MED27: variants seen among roughly 807,000 people sequenced by gnomAD.
The protein encoded by MED27 is mediator of RNA polymerase II transcription subunit 27.
MED27 carries 30 observed loss-of-function variants against 38.2 expected under a neutral mutation model. The ratio of observed to expected loss-of-function variants is 0.79; its 90% CI spans 0.59 to 1.07. MED27 has a LOEUF of 1.07. Ranked by LOEUF, MED27 falls within the 50% of genes least tolerant of loss-of-function variation. The pLI, the probability that MED27 is intolerant of heterozygous loss-of-function variation, is 0.00. For synonymous variants in MED27, 122 were observed against 153.5 expected, an observed-to-expected ratio of 0.79 and a Z score of 1.52; for missense variants, 289 against 397.5, an observed-to-expected ratio of 0.73 and a Z score of 2.32.
At chr9:131,973,199 T>TC (rs1831519717) in intron 3 of MED27, among the ~76,000 whole-genome samples, 1 of 152,214 alleles carries the variant, frequency 6.6e-6, no homozygotes, top group Admixed American at 6.5e-5. Flanking sequence ...TAGTTCCCTG[T>TC]CCATTCCCTC....
intron 4 of MED27, among the ~76,000 whole-genome samples, chr9:131,930,247 G>C (rs915522189): frequency 4.6e-5 from 7 of 152,192 alleles, no homozygotes; most frequent in Non-Finnish European, 7.3e-5. Flanking sequence ...CAACATTCAA[G>C]TACAAGAAGG....
chr9:131,871,697 A>G (rs1382431164), intron 6 of MED27, among the ~76,000 whole-genome samples: 2 of 151,952 alleles, frequency 1.3e-5, no homozygotes, highest in Non-Finnish European at 2.9e-5. Flanking sequence ...CTACAGACAC[A>G]CACCCCCACG....
intron 2 of MED27, among the ~76,000 whole-genome samples, chr9:132,076,211 C>T (rs1834043598): frequency 6.6e-6 from 1 of 152,072 alleles, no homozygotes. Flanking sequence ...AGTTCAGCCA[C>T]AGAGAAGTAA....
At chr9:132,072,651 A>C (rs191665108) in intron 2 of MED27, among the ~76,000 whole-genome samples, 1 of 152,220 alleles carries the variant, frequency 6.6e-6, no homozygotes, top group East Asian at 1.9e-4. Flanking sequence ...TAGCAAGTTC[A>C]TTTTGAGTGA....
intron 4 of MED27, among the ~76,000 whole-genome samples, chr9:131,915,886 C>G (rs1830278811): frequency 6.6e-6 from 1 of 152,220 alleles, no homozygotes; most frequent in East Asian, 1.9e-4. Context: ...GCTCCAGAGC[C>G]TGCCCGCTAA....
At chr9:131,993,068 A>G (rs1832011660) in intron 3 of MED27, among the ~76,000 whole-genome samples, 1 of 152,204 alleles carries the variant, frequency 6.6e-6, no homozygotes, top group African/African-American at 2.4e-5. Flanking sequence ...CTGTTTGTTT[A>G]GCCTATGCAT....
intron 6 of MED27, among the ~76,000 whole-genome samples, chr9:131,877,577 A>C (rs957241026): frequency 2.0e-5 from 3 of 152,174 alleles, no homozygotes; most frequent in African/African-American, 7.2e-5. Context: ...CCCCGTCTCA[A>C]ATAAATAAAT....
chr9:132,037,430 G>T (rs1308553944), intron 2 of MED27, among the ~76,000 whole-genome samples: 1 of 152,170 alleles, frequency 6.6e-6, no homozygotes, highest in Non-Finnish European at 1.5e-5. Context: ...CAGCCACAGT[G>T]ACTGCCCAAC....
intron 3 of MED27, among the ~76,000 whole-genome samples, chr9:131,981,660 ACTT>A (rs1831739433): frequency 6.6e-6 from 1 of 152,212 alleles, no homozygotes; most frequent in Non-Finnish European, 1.5e-5. Flanking sequence ...CAGGAAGGCA[ACTT>A]ACCACGTCAA....
At chr9:132,076,428 G>T (rs1199708114) in intron 2 of MED27, among the ~76,000 whole-genome samples, 1 of 152,018 alleles carries the variant, frequency 6.6e-6, no homozygotes, top group East Asian at 1.9e-4. Flanking sequence ...AGCTCCCACG[G>T]TTCCACTTCA....
intron 2 of MED27, chr9:132,073,870 G>C: frequency 8.1e-7 from 1 of 1,242,150 alleles, no homozygotes; most frequent in Non-Finnish European, 1.0e-6. Flanking sequence ...ATGTTGCCAG[G>C]GAAAGGCGGA....
At chr9:132,004,655 G>C (rs1564320946) in intron 3 of MED27, among the ~76,000 whole-genome samples, 1 of 152,174 alleles carries the variant, frequency 6.6e-6, no homozygotes, top group Non-Finnish European at 1.5e-5. Flanking sequence ...ACTGGGGACA[G>C]ACCTGCAGCT....
chr9:131,997,756 C>A lies in MED27; in HGVS notation c.479+16581G>T, dbSNP rs931150333. On this transcript the variant is annotated intron_variant, in intron 3 of 7. Transcript: ENST00000292035. The surrounding 1 kb of genome is among the most constrained non-coding windows in gnomAD (Gnocchi z 4.0). Reference sequence around the variant, plus strand: ...CACTTCCTAGCTGGGGGCCTCCAGACAAGGTGGGAGCTTCGGTGTTGGCCT... The same window carrying A: ...CACTTCCTAGCTGGGGGCCTCCAGAAAAGGTGGGAGCTTCGGTGTTGGCCT... Among the ~76,000 whole-genome samples the A allele has an allele frequency of 2.0e-5, 3 of 152,202 alleles. No homozygotes were observed. The highest frequency in any genetic ancestry group is 2.9e-5 in the Non-Finnish European group (2 of 68,048).
At chr9:132,008,635 G>C (rs1280597792) in intron 3 of MED27, among the ~76,000 whole-genome samples, 1 of 152,218 alleles carries the variant, frequency 6.6e-6, no homozygotes, top group Non-Finnish European at 1.5e-5. Context: ...AGAGACTACC[G>C]TTAGAGCCCT....
chr9:132,032,378 T>G (rs1365080183), intron 2 of MED27, among the ~76,000 whole-genome samples: 1 of 152,192 alleles, frequency 6.6e-6, no homozygotes. Flanking sequence ...GGTCTGTACT[T>G]TGGCAAAACC....
chr9:132,073,476 C>G lies in MED27; in HGVS notation c.348+3966G>C. 3.4e-6 allele frequency: 4 copies of G among 1,179,104 alleles called. No individual in the cohort carries two copies. In the South Asian group the frequency reaches 1.5e-4, roughly 43 times the overall value. 73.0% of individuals were successfully genotyped at this position (1,179,104 alleles called of 1,614,324 possible). A position where few individuals can be genotyped will look rare whatever the true frequency, so the allele number is the denominator to read the frequency against. ...GAACAAGATGGACATGGTGCCTCTC[C>G]CCTGAGCCTTATAGTTTACCCTTAA... On this transcript the variant is annotated intron_variant, in intron 2 of 7. Transcript: ENST00000292035.
intron 2 of MED27, chr9:132,073,782 GT>G (rs1313025263): frequency 1.1e-5 from 17 of 1,502,546 alleles, no homozygotes; most frequent in African/African-American, 1.4e-5. Context: ...AAAAAAAAAG[GT>G]AGCAGCAGCA....
At chr9:131,965,473 A>C (rs1224716896) in intron 3 of MED27, among the ~76,000 whole-genome samples, 1 of 152,246 alleles carries the variant, frequency 6.6e-6, no homozygotes, top group Non-Finnish European at 1.5e-5. Context: ...GTAACAGGTT[A>C]ATGGATCAAT....
chr9:131,899,010 T>C (rs1829882181), intron 4 of MED27, among the ~76,000 whole-genome samples: 2 of 152,158 alleles, frequency 1.3e-5, no homozygotes, highest in Non-Finnish European at 2.9e-5. Context: ...AACATCTAAA[T>C]GGAGATAATG....
Sources: allele counts gnomAD v4.1 joint callset (sites outside exome capture counted in the v4.1 genomes callset), GRCh38; gene constraint gnomAD v4.1.1; non-coding constraint Gnocchi (gnomAD v3.1); transcripts MANE v1.5; gene names NCBI Gene and HGNC (gene_info 2026-07-23, HGNC 2026-07-21).